The following PSMD13 variants were observed in gnomAD, a reference collection of about 807,000 sequenced individuals.
PSMD13 encodes the protein proteasome 26S subunit, non-ATPase 13.
PSMD13 carries 8 observed loss-of-function variants against 57.4 expected under a neutral mutation model. That is an observed-to-expected ratio of 0.14 (90% CI 0.08 to 0.25). PSMD13 has a LOEUF of 0.25. PSMD13 is among the 10% of genes least tolerant of loss of function. PSMD13 has a pLI of 1.00. For missense variants in PSMD13, 400 were observed against 461.5 expected (o/e 0.87, Z 1.22); for synonymous variants, 193 against 168.2 (o/e 1.15, Z -1.14).
chr11:247,307 A>G lies in PSMD13; in HGVS notation c.427A>G (p.Asn143Asp), dbSNP rs143016806. The change falls in exon 7 of 13, where the codon AAC (asparagine) becomes GAC (aspartate). Residue 143 changes from asparagine to aspartate, a missense_variant. Transcript: ENST00000532097. ...AATTGAAGATGTTGAAGAAATGCTC[A>G]ACAACCTTCCTGGTGTGACATCGGT... is the stretch of plus-strand genomic sequence containing the variant. Reference protein sequence around the residue: ...ETIEDVEEMLNNLPGVTSVHS... With the variant: ...ETIEDVEEMLDNLPGVTSVHS... 429 of 1,613,708 alleles carry G rather than the reference A, an allele frequency of 2.7e-4. 1 individual carries two copies. In the African/African-American group the frequency reaches 4.5e-3, roughly 17 times the overall value.
rs775996661 is a variant in PSMD13, at chr11:252,481, C to A, written c.1036-24C>A. On this transcript the variant is annotated intron_variant, in intron 12 of 12. Transcript: ENST00000532097. This position sits in a 1 kb window ranked among gnomAD's most constrained non-coding sequence, Gnocchi z 4.1. ...GTGTCTCCTGCGTGTCTTAACGTCCCTTGTGTCCGGATTTCCATTTCAGAT... is the reference window on the plus strand; with the variant it reads ...GTGTCTCCTGCGTGTCTTAACGTCCATTGTGTCCGGATTTCCATTTCAGAT... The A allele has an allele frequency of 2.5e-6, 4 of 1,612,660 alleles. No individual in the cohort carries two copies. In the South Asian group the frequency reaches 3.3e-5, roughly 13 times the overall value.
At position 242,048 on chromosome 11, in the gene PSMD13, G is replaced by A. The variant is rs544019613; in HGVS notation, c.175-1993G>A. Among the ~76,000 whole-genome samples the A allele has an allele frequency of 5.3e-5, 8 of 151,670 alleles. No homozygotes were observed. The East Asian group carries it at 1.2e-3, about 22-fold the overall frequency. On this transcript the variant is annotated intron_variant, in intron 2 of 12. Transcript: ENST00000532097. ...ACACCAAATGGCCACCTCTCTAACC[G>A]CCCTTCATTCCTTGAAACTCAGTAT...
Position 239,081 on chromosome 11 carries a change from A to G in PSMD13, c.174+5A>G. The G allele has an allele frequency of 6.2e-7, 1 of 1,608,240 alleles. No homozygotes were observed. Among genetic ancestry groups the G allele is most frequent in the Non-Finnish European group, 8.5e-7 (1 of 1,174,604 alleles). ...CAAGGAGATGGTCTCATTAAGGTAA[A>G]TAATTTGCTATACCAGATTAGATTA... is the stretch of plus-strand genomic sequence containing the variant. On this transcript the variant is annotated splice_donor_5th_base_variant and intron_variant, in intron 2 of 12. Coordinates refer to ENST00000532097, the MANE Select transcript of PSMD13 (RefSeq NM_002817.4).
chr11:244,400 C>A, intron 4 of PSMD13, 26 bp from the exon 5 acceptor site: 1 of 1,604,468 alleles, frequency 6.2e-7, no homozygotes, highest in South Asian at 1.1e-5. Flanking sequence ...TGTTGATGGT[C>A]CTTCTGATTG....
chr11:245,027 G>A (rs1347503734), intron 6 of PSMD13, among the ~76,000 whole-genome samples: 2 of 144,730 alleles, frequency 1.4e-5, no homozygotes, highest in Non-Finnish European at 3.0e-5. Flanking sequence ...CGCAACCTCC[G>A]CCTCACGGGT....
chr11:252,565 C>T lies in PSMD13; in HGVS notation c.1096C>T (p.Leu366=). 1 of 1,614,142 alleles carries T rather than the reference C, an allele frequency of 6.2e-7. No homozygotes were observed. Among genetic ancestry groups the T allele is most frequent in the Non-Finnish European group, 8.5e-7 (1 of 1,180,012 alleles). The part of the protein sequence containing the change: ...WCTDVKSMEM[L]VEHQAHDILT ...CACGGATGTGAAGAGCATGGAGATG[C>T]TGGTGGAGCACCAGGCCCATGACAT... Residue 366 remains leucine, a synonymous_variant, in exon 13 of 13, where the codon CTG becomes TTG. Coordinates refer to ENST00000532097, the MANE Select transcript of PSMD13 (RefSeq NM_002817.4). The surrounding 1 kb of genome is among the most constrained non-coding windows in gnomAD (Gnocchi z 4.1).
At chr11:237,313 G>A (rs1450495240) in intron 1 of PSMD13, among the ~76,000 whole-genome samples, 169 bp downstream of exon 1, 1 of 152,236 alleles carries the variant, frequency 6.6e-6, no homozygotes, top group African/African-American at 2.4e-5. Context: ...GAGGAACCTT[G>A]AGTGGCAGGG....
At position 244,725 on chromosome 11, in the gene PSMD13, T is replaced by G; in HGVS notation, c.360T>G (p.Ala120=). 1 of 1,613,884 alleles carries G rather than the reference T, an allele frequency of 6.2e-7. No individual in the cohort carries two copies. The highest frequency in any genetic ancestry group is 8.5e-7 in the Non-Finnish European group (1 of 1,179,926). Residue 120 remains alanine, a synonymous_variant, in exon 6 of 13, where the codon GCT becomes GCG. Coordinates refer to ENST00000532097, the MANE Select transcript of PSMD13 (RefSeq NM_002817.4). ...AVILCKTAIG[A]LKLNIGDLQV... ...TCCTGTGTAAAACAGCAATTGGAGCTCTAAAATTAAACATCGGGGACCTAC... is the reference window on the plus strand; with the variant it reads ...TCCTGTGTAAAACAGCAATTGGAGCGCTAAAATTAAACATCGGGGACCTAC...
At chr11:245,997 C>T (rs1341165933) in intron 6 of PSMD13, among the ~76,000 whole-genome samples, 1 of 152,060 alleles carries the variant, frequency 6.6e-6, no homozygotes, top group Non-Finnish European at 1.5e-5. Flanking sequence ...GTCCCAGTAC[C>T]CTTCAGACCA....
intron 6 of PSMD13, among the ~76,000 whole-genome samples, chr11:245,935 C>G (rs976418690): frequency 6.6e-6 from 1 of 152,106 alleles, no homozygotes; most frequent in Non-Finnish European, 1.5e-5. Flanking sequence ...TAATAGGCAT[C>G]CATGTGCCCC....
In PSMD13 at chr11:247,152, G is replaced by A. The variant is rs930150796; in HGVS notation, c.397-125G>A. ...AATCCCAGCTACTACAGAGGCTGAGGTGGGAGGATCACTTGAGGCCAGGAG... is the reference window on the plus strand; with the variant it reads ...AATCCCAGCTACTACAGAGGCTGAGATGGGAGGATCACTTGAGGCCAGGAG... On this transcript the variant is annotated intron_variant, in intron 6 of 12. Transcript: ENST00000532097. 7 of 876,538 alleles carry A rather than the reference G, an allele frequency of 8.0e-6. No homozygotes were observed. The Admixed American group carries it at 9.2e-5, about 12-fold the overall frequency. The allele number at this position is 876,538 out of a possible 1,614,324, so 54.3% of individuals were successfully genotyped here.
intron 2 of PSMD13, 36 bp downstream of exon 2, chr11:239,112 A>G (rs1216773130): frequency 1.3e-6 from 2 of 1,547,876 alleles, no homozygotes; most frequent in South Asian, 2.2e-5. Flanking sequence ...GATTATATGA[A>G]TGTGCTCAAG....
rs1434785404 is a variant in PSMD13, at chr11:248,929, C to G, written c.649-3C>G. On this transcript the variant is annotated splice_region_variant and splice_polypyrimidine_tract_variant and intron_variant, in intron 8 of 12. Coordinates refer to ENST00000532097, the MANE Select transcript of PSMD13 (RefSeq NM_002817.4). The stretch of plus-strand genomic sequence containing the variant: ...TACTAGCTGACCATCTCCATCCTCA[C>G]AGCTCATGCACCCTGTGCTGGAGTC... 6.2e-7 allele frequency: 1 copy of G among 1,614,194 alleles called. No homozygotes were observed.
At chr11:245,768 A>G (rs1292312693) in intron 6 of PSMD13, among the ~76,000 whole-genome samples, 1 of 57,190 alleles carries the variant, frequency 1.7e-5, no homozygotes, top group African/African-American at 1.1e-4. Flanking sequence ...TAAAGAAAAT[A>G]TTGGGGGTAA....
chr11:241,752 C>G (rs1859520935), intron 2 of PSMD13, among the ~76,000 whole-genome samples: 1 of 152,186 alleles, frequency 6.6e-6, no homozygotes, highest in African/African-American at 2.4e-5. Flanking sequence ...TGCTCCCTCA[C>G]TCTCCTGTCT....
In PSMD13 at chr11:252,291, G is replaced by T; in HGVS notation, c.1036-214G>T. On this transcript the variant is annotated intron_variant, in intron 12 of 12. Coordinates refer to ENST00000532097, the MANE Select transcript of PSMD13 (RefSeq NM_002817.4). The surrounding 1 kb of genome is among the most constrained non-coding windows in gnomAD (Gnocchi z 4.1). ...CTGTGGATTTCCTCTGTCCTTGTCT[G>T]CTTTCTTTCATGCAAGTTTTTTCTA... The T allele has an allele frequency of 1.8e-6, 1 of 554,066 alleles. No individual in the cohort carries two copies. The highest frequency in any genetic ancestry group is 3.2e-6 in the Non-Finnish European group (1 of 308,424). The allele number at this position is 554,066 out of a possible 1,614,324, so 34.3% of individuals were successfully genotyped here. A position where few individuals can be genotyped will look rare whatever the true frequency, so the allele number is the denominator to read the frequency against.
Position 251,618 on chromosome 11 carries a change from G to A in PSMD13, c.910G>A (p.Val304Met), listed in dbSNP as rs1859765875. Residue 304 changes from valine (V) to methionine (M), a missense_variant, in exon 11 of 13, where the codon GTG becomes ATG. Coordinates refer to ENST00000532097, the MANE Select transcript of PSMD13 (RefSeq NM_002817.4). This position sits in a 1 kb window ranked among gnomAD's most constrained non-coding sequence, Gnocchi z 4.6. ...AATTGCCAAAAGTGCTAAAATCACA[G>A]TGAATGAGGTACGGTCCCTAGGCTC... ...EEIAKSAKITVNEVELLVMKA... is the reference protein window; with the variant it reads ...EEIAKSAKITMNEVELLVMKA... 31 of 1,612,954 alleles carry A rather than the reference G, an allele frequency of 1.9e-5. No homozygotes were observed. The highest frequency in any genetic ancestry group is 2.6e-5 in the Non-Finnish European group (31 of 1,178,902).
chr11:247,637 G>T, intron 7 of PSMD13, 189 bp downstream of exon 7: 1 of 515,230 alleles, frequency 1.9e-6, no homozygotes. Flanking sequence ...TTCGAGACCA[G>T]CCTGGCCAAC....
intron 7 of PSMD13, chr11:247,685 T>C (rs762531668): frequency 2.6e-4 from 86 of 328,784 alleles, no homozygotes; most frequent in Non-Finnish European, 4.5e-4. Context: ...TACAAAAAAC[T>C]AGCCAGGTGT....
Sources: allele counts gnomAD v4.1 joint callset (sites outside exome capture counted in the v4.1 genomes callset), GRCh38; gene constraint gnomAD v4.1.1; non-coding constraint Gnocchi (gnomAD v3.1); transcripts MANE v1.5; gene names NCBI Gene and HGNC (gene_info 2026-07-23, HGNC 2026-07-21).